The following PAK1 variants were observed in gnomAD, a reference collection of about 807,000 sequenced individuals.
PAK1 encodes p21 (RAC1) activated kinase 1.
Under a neutral mutation model 67.4 loss-of-function variants are expected in PAK1, and 29 were observed. The ratio of observed to expected loss-of-function variants is 0.43; its 90% CI spans 0.32 to 0.59. The LOEUF is 0.59. Among genes scored for constraint, PAK1 ranks in the 20% least tolerant of loss-of-function variants. The probability of loss-of-function intolerance (pLI) is 0.07; values close to 1 mark genes in which losing one functional copy is unlikely to be tolerated. For synonymous variants in PAK1, 223 were observed against 237.4 expected (o/e 0.94, Z 0.56); for missense variants, 337 against 670.7 (o/e 0.50, Z 5.50).
At chr11:77,349,140 A>AC in intron 9 of PAK1, 99 bp downstream of exon 9, 2 of 853,888 alleles carry the variant, frequency 2.3e-6, no homozygotes, top group Non-Finnish European at 3.7e-6. Flanking sequence ...AAAAAAAAAA[A>AC]ACCTAGAACT....
At chr11:77,454,049 G>A (rs1482211834) in intron 1 of PAK1, among the ~76,000 whole-genome samples, 1 of 152,224 alleles carries the variant, frequency 6.6e-6, no homozygotes, top group Non-Finnish European at 1.5e-5. Context: ...AGGTGACAGA[G>A]CGAGACCTTG....
the PAK1 span, among the ~76,000 whole-genome samples, chr11:77,500,834 A>G: frequency 2.0e-5 from 3 of 152,230 alleles, no homozygotes; most frequent in South Asian, 4.1e-4. Context: ...ACAGAGTGAG[A>G]CACTGTTTCA....
At chr11:77,487,529 T>C in the PAK1 span, among the ~76,000 whole-genome samples, 1 of 151,880 alleles carries the variant, frequency 6.6e-6, no homozygotes, top group Non-Finnish European at 1.5e-5. Context: ...CCTTGGCTTG[T>C]GGATGGCATA....
intron 11 of PAK1, among the ~76,000 whole-genome samples, chr11:77,340,428 A>C (rs920960110): frequency 2.0e-5 from 3 of 152,230 alleles, no homozygotes; most frequent in Non-Finnish European, 2.9e-5. Context: ...AGTACTTTAT[A>C]ATTTTTCTAC....
intron 2 of PAK1, among the ~76,000 whole-genome samples, chr11:77,387,324 C>T (rs1338274073): frequency 2.0e-5 from 3 of 151,976 alleles, no homozygotes; most frequent in Non-Finnish European, 4.4e-5. Flanking sequence ...CCGCCCGCCT[C>T]GGCCTCCCAA....
the PAK1 span, among the ~76,000 whole-genome samples, chr11:77,498,315 AT>A: frequency 6.6e-6 from 1 of 152,246 alleles, no homozygotes; most frequent in African/African-American, 2.4e-5. Flanking sequence ...GGAAAAGTTT[AT>A]TTAAAAACAA....
chr11:77,471,492 G>A (rs1957851651), intron 1 of PAK1, among the ~76,000 whole-genome samples: 1 of 152,188 alleles, frequency 6.6e-6, no homozygotes, highest in Non-Finnish European at 1.5e-5. Flanking sequence ...TGCAGGAAAA[G>A]GAGAGACTAA....
chr11:77,412,742 G>C (rs938384522), intron 1 of PAK1, among the ~76,000 whole-genome samples: 4 of 152,138 alleles, frequency 2.6e-5, no homozygotes, highest in Non-Finnish European at 5.9e-5. Flanking sequence ...CATTTATTAA[G>C]AACTATTATG....
intron 5 of PAK1, 57 bp downstream of exon 5, chr11:77,374,271 G>T: frequency 1.7e-6 from 2 of 1,177,178 alleles, no homozygotes; most frequent in Non-Finnish European, 2.5e-6. Context: ...CTACCACACT[G>T]TCTTGATCCT....
At position 77,355,859 on chromosome 11, in the gene PAK1, A is replaced by C; in HGVS notation, c.598-17T>G. Reference sequence around the variant, plus strand: ...TGTGTATACCTGCATTATTAGTGCAAAATTTTGGCAAGACCAGCCTTTGTT... The same window carrying C: ...TGTGTATACCTGCATTATTAGTGCACAATTTTGGCAAGACCAGCCTTTGTT... On this transcript the variant is annotated splice_polypyrimidine_tract_variant and intron_variant, in intron 6 of 14. Transcript: ENST00000356341. The C allele has an allele frequency of 3.7e-6, 6 of 1,608,638 alleles. No homozygotes were observed. Among genetic ancestry groups the C allele is most frequent in the Non-Finnish European group, 5.1e-6 (6 of 1,175,696 alleles).
chr11:77,324,319 C>T (rs1939162080), intron 14 of PAK1, among the ~76,000 whole-genome samples: 1 of 151,822 alleles, frequency 6.6e-6, no homozygotes, highest in South Asian at 2.1e-4. Context: ...ACTACAGGCG[C>T]CCGCCACCAC....
intron 1 of PAK1, among the ~76,000 whole-genome samples, chr11:77,402,752 G>A (rs1952888889): frequency 6.6e-6 from 1 of 152,148 alleles, no homozygotes; most frequent in African/African-American, 2.4e-5. Flanking sequence ...GCCACATGCT[G>A]CCTCAATGGA....
upstream of PAK1, among the ~76,000 whole-genome samples, chr11:77,478,501 G>A (rs578175734): frequency 6.6e-6 from 1 of 152,092 alleles, no homozygotes; most frequent in South Asian, 2.1e-4. Flanking sequence ...GGCCTGGCAC[G>A]GTGGCCCAAG....
the PAK1 span, among the ~76,000 whole-genome samples, chr11:77,486,646 G>A: frequency 6.6e-6 from 1 of 152,196 alleles, no homozygotes. Context: ...AAAGCACAGT[G>A]ATTGTGGCAC....
chr11:77,447,692 T>C (rs1452280998), intron 1 of PAK1, among the ~76,000 whole-genome samples: 1 of 151,898 alleles, frequency 6.6e-6, no homozygotes, highest in Non-Finnish European at 1.5e-5. Flanking sequence ...GCCCAGCTAA[T>C]TTTTGTATTT....
intron 1 of PAK1, among the ~76,000 whole-genome samples, chr11:77,444,160 A>G (rs747412990): frequency 6.6e-6 from 1 of 152,012 alleles, no homozygotes; most frequent in Non-Finnish European, 1.5e-5. Context: ...TTCTCAGAAG[A>G]GATGTACTTG....
intron 5 of PAK1, 115 bp downstream of exon 5, chr11:77,374,212 AG>A: frequency 1.8e-6 from 1 of 543,948 alleles, no homozygotes; most frequent in South Asian, 3.6e-5. Flanking sequence ...TCTGAGGCCA[AG>A]GGTGCAGGAG....
At chr11:77,400,971 A>G (rs1489313746) in intron 1 of PAK1, among the ~76,000 whole-genome samples, 1 of 152,236 alleles carries the variant, frequency 6.6e-6, no homozygotes, top group Non-Finnish European at 1.5e-5. Context: ...GGAACCTGAA[A>G]TTAGGCCTGT....
chr11:77,464,891 T>A (rs889674255), intron 1 of PAK1, among the ~76,000 whole-genome samples: 3 of 152,186 alleles, frequency 2.0e-5, no homozygotes, highest in African/African-American at 7.2e-5. Flanking sequence ...TTCTACTGAA[T>A]GCATATTGCT....
Sources: allele counts gnomAD v4.1 joint callset (sites outside exome capture counted in the v4.1 genomes callset), GRCh38; gene constraint gnomAD v4.1.1; transcripts MANE v1.5; gene names NCBI Gene and HGNC (gene_info 2026-07-23, HGNC 2026-07-21).